DENND1A: variants seen among roughly 807,000 people sequenced by gnomAD.
The protein encoded by DENND1A is DENN domain containing 1A.
Under a neutral mutation model 113.7 loss-of-function variants are expected in DENND1A, and 51 were observed. The observed-to-expected ratio is 0.45, with a 90% confidence interval of 0.36 to 0.57. DENND1A has a LOEUF of 0.57. DENND1A is among the 20% of genes least tolerant of loss of function. DENND1A has a pLI of 0.00. For missense variants in DENND1A, 1,258 were observed against 1,395.9 expected, an observed-to-expected ratio of 0.90 and a Z score of 1.57; for synonymous variants, 565 against 570.8, an observed-to-expected ratio of 0.99 and a Z score of 0.14.
chr9:123,895,621 C>CAA (rs541744618), intron 1 of DENND1A, among the ~76,000 whole-genome samples: 33 of 108,320 alleles, frequency 3.0e-4, no homozygotes, highest in Middle Eastern at 4.8e-3. Context: ...GACTCTGACT[C>CAA]AAAAAAAAAA....
Position 123,428,897 on chromosome 9 carries a change from C to A in DENND1A, c.1488+11463G>T, listed in dbSNP as rs1588481977. Among the ~76,000 whole-genome samples, 5 of 152,264 alleles carry A rather than the reference C, an allele frequency of 3.3e-5. 1 individual carries two copies. The South Asian group carries it at 1.0e-3, about 32-fold the overall frequency. ...CTGCTCAAGGAAATAAGAGAGGACA[C>A]AAGCACATGGAAAAACACTCATGCT... On this transcript the variant is annotated intron_variant, in intron 19 of 23. Transcript: ENST00000394215.
chr9:123,389,761 G>C (rs894473372), intron 21 of DENND1A, among the ~76,000 whole-genome samples: 2 of 152,216 alleles, frequency 1.3e-5, no homozygotes, highest in African/African-American at 4.8e-5. Context: ...CAAAGTGAGG[G>C]GGAGCCCACT....
intron 19 of DENND1A, among the ~76,000 whole-genome samples, chr9:123,430,657 A>G (rs1398065894): frequency 1.3e-5 from 2 of 152,270 alleles, no homozygotes; most frequent in Non-Finnish European, 2.9e-5. Flanking sequence ...AATAACACAT[A>G]CTGGAGCCTG....
intron 5 of DENND1A, among the ~76,000 whole-genome samples, chr9:123,681,711 T>C (rs2064473080): frequency 6.6e-6 from 1 of 152,058 alleles, no homozygotes; most frequent in South Asian, 2.1e-4. Flanking sequence ...ATAAAATAAA[T>C]AGAAATACAA....
At chr9:123,432,891 G>C (rs903129626) in intron 19 of DENND1A, among the ~76,000 whole-genome samples, 2 of 152,186 alleles carry the variant, frequency 1.3e-5, no homozygotes, top group Non-Finnish European at 2.9e-5. Context: ...CCTCCTCTGG[G>C]CTTGGGTTTT....
At chr9:123,482,084 A>T (rs1411927243) in intron 13 of DENND1A, among the ~76,000 whole-genome samples, 1 of 148,288 alleles carries the variant, frequency 6.7e-6, no homozygotes, top group African/African-American at 2.5e-5. Context: ...GATTACAGGC[A>T]TGAGTGGCAG....
chr9:123,542,310 G>A (rs1274930014), intron 13 of DENND1A, among the ~76,000 whole-genome samples: 1 of 152,192 alleles, frequency 6.6e-6, no homozygotes, highest in African/African-American at 2.4e-5. Context: ...TGAGGTAATA[G>A]GGTTCAGAAA....
chr9:123,394,199 T>C (rs970157470), intron 21 of DENND1A, among the ~76,000 whole-genome samples: 3 of 152,188 alleles, frequency 2.0e-5, no homozygotes, highest in African/African-American at 4.8e-5. Context: ...GGTTTCACCA[T>C]GTTGCCTAGG....
At chr9:123,708,188 C>T (rs1016635115) in intron 5 of DENND1A, among the ~76,000 whole-genome samples, 2 of 152,008 alleles carry the variant, frequency 1.3e-5, no homozygotes, top group Non-Finnish European at 2.9e-5. Context: ...TGTGGTCCAC[C>T]AACAGGAGTG....
chr9:123,481,837 C>T (rs1340750451), intron 13 of DENND1A, among the ~76,000 whole-genome samples: 4 of 150,578 alleles, frequency 2.7e-5, no homozygotes, highest in Non-Finnish European at 5.9e-5. Context: ...GCTCTGTTGC[C>T]CAGGCTGGAG....
At chr9:123,456,947 C>T (rs569189458) in intron 15 of DENND1A, 98 of 178,028 alleles carry the variant, frequency 5.5e-4, no homozygotes, top group Admixed American at 1.2e-3. Flanking sequence ...AGGTGGGACA[C>T]GGTACGTACT....
chr9:123,414,439 C>T, intron 19 of DENND1A: 1 of 1,469,914 alleles, frequency 6.8e-7, no homozygotes, highest in Non-Finnish European at 9.0e-7. Context: ...ATGAAATCAT[C>T]TCAGTGGAAG....
intron 13 of DENND1A, among the ~76,000 whole-genome samples, chr9:123,520,147 CAAAAAAAAAAA>C (rs777054330): frequency 2.7e-5 from 1 of 37,298 alleles, no homozygotes; most frequent in Non-Finnish European, 6.0e-5. Context: ...GATCCTGTCT[CAAAAAAAAAAA>C]AAAAAAAAAA....
intron 2 of DENND1A, among the ~76,000 whole-genome samples, chr9:123,819,370 A>G (rs1394670928): frequency 6.6e-6 from 1 of 152,190 alleles, no homozygotes; most frequent in Non-Finnish European, 1.5e-5. Context: ...CAGAAACTGA[A>G]TACTATAGAT....
At chr9:123,644,115 C>T (rs2062172622) in intron 9 of DENND1A, among the ~76,000 whole-genome samples, 1 of 152,014 alleles carries the variant, frequency 6.6e-6, no homozygotes, top group Admixed American at 6.6e-5. Context: ...TGCTAACATT[C>T]CCATCTGCAA....
intron 13 of DENND1A, among the ~76,000 whole-genome samples, chr9:123,463,996 A>G (rs1341002757): frequency 6.6e-6 from 1 of 152,116 alleles, no homozygotes; most frequent in Non-Finnish European, 1.5e-5. Context: ...TGATGGGTTG[A>G]TAGGTATAGC....
At chr9:123,559,861 A>G (rs1342586838) in intron 12 of DENND1A, among the ~76,000 whole-genome samples, 2 of 152,126 alleles carry the variant, frequency 1.3e-5, no homozygotes, top group South Asian at 2.1e-4. Flanking sequence ...CACCAGACCC[A>G]AGCAACCACT....
At chr9:123,406,958 T>A (rs2043902549) in intron 20 of DENND1A, among the ~76,000 whole-genome samples, 1 of 151,988 alleles carries the variant, frequency 6.6e-6, no homozygotes, top group Admixed American at 6.5e-5. Context: ...AATGGGGGGA[T>A]TAAGTTTGTG....
At chr9:123,382,922 CTT>C (rs138069335) in intron 23 of DENND1A, among the ~76,000 whole-genome samples, 3,857 of 152,324 alleles carry the variant, frequency 0.025, 165 homozygotes, top group African/African-American at 0.089. Context: ...GCCCTTTTTA[CTT>C]TTTAGATCGC....
Sources: gnomAD v4.1 joint callset for allele counts (sites outside exome capture counted in the v4.1 genomes callset) on GRCh38, gnomAD v4.1.1 for gene constraint, MANE v1.5 for transcripts, NCBI Gene and HGNC (gene_info 2026-07-23, HGNC 2026-07-21) for gene names.